Variants in IGF2BP3 observed in about 807,000 individuals in gnomAD.
The protein encoded by IGF2BP3 is insulin like growth factor 2 mRNA binding protein 3, also known as insulin-like growth factor 2 mRNA-binding protein 3.
IGF2BP3 carries 9 observed loss-of-function variants against 73.8 expected under a neutral mutation model. The observed-to-expected ratio is 0.12, with a 90% CI of 0.07 to 0.21. The LOEUF is 0.21. Among genes scored for constraint, IGF2BP3 ranks in the 10% least tolerant of loss-of-function variants. IGF2BP3 has a pLI of 1.00. For synonymous variants in IGF2BP3, 258 were observed against 256.7 expected, an observed-to-expected ratio of 1.01 and a Z score of -0.05; for missense variants, 542 against 714.0, an observed-to-expected ratio of 0.76 and a Z score of 2.75.
intron 10 of IGF2BP3, among the ~76,000 whole-genome samples, chr7:23,336,781 C>A (rs1277711840): frequency 6.6e-6 from 1 of 152,218 alleles, no homozygotes; most frequent in East Asian, 1.9e-4. Context: ...AACCCTGTCT[C>A]TAATAAAAAT....
chr7:23,441,574 T>TAAAAA (rs769391858), intron 2 of IGF2BP3, among the ~76,000 whole-genome samples: 8 of 56,954 alleles, frequency 1.4e-4, no homozygotes, highest in Non-Finnish European at 2.3e-4. Flanking sequence ...CTCCATCTCT[T>TAAAAA]AAAAAAAAAA....
At position 23,333,217 on chromosome 7, in the gene IGF2BP3, G is replaced by A. The variant is rs551530288; in HGVS notation, c.1203+8847C>T. Among the ~76,000 whole-genome samples the A allele has an allele frequency of 1.9e-4, 29 of 152,250 alleles. 1 individual carries two copies. The highest frequency in any genetic ancestry group is 5.8e-4 in the African/African-American group (24 of 41,552). On this transcript the variant is annotated intron_variant, in intron 10 of 14. Transcript: ENST00000258729. ...TACAAATCTGGCTTTAAGCTTCCTC[G>A]CAGCTAATTTTTTAAAAAGTTAGTT...
At chr7:23,423,470 T>G (rs1787408433) in intron 2 of IGF2BP3, among the ~76,000 whole-genome samples, 1 of 152,228 alleles carries the variant, frequency 6.6e-6, no homozygotes, top group Non-Finnish European at 1.5e-5. Context: ...GTCATTAAAG[T>G]TCAATATAAC....
At chr7:23,464,373 A>C (rs141923808) in intron 2 of IGF2BP3, among the ~76,000 whole-genome samples, 21 of 152,330 alleles carry the variant, frequency 1.4e-4, no homozygotes, top group African/African-American at 4.6e-4. Context: ...GTAAATACAC[A>C]TAAAATTTAC....
At chr7:23,387,488 G>GA (rs1303755288) in intron 3 of IGF2BP3, among the ~76,000 whole-genome samples, 3 of 152,046 alleles carry the variant, frequency 2.0e-5, no homozygotes, top group African/African-American at 7.3e-5. Context: ...TATAAACCAT[G>GA]AAATAATAAT....
At chr7:23,409,509 C>T (rs1286140366) in intron 3 of IGF2BP3, among the ~76,000 whole-genome samples, 1 of 152,010 alleles carries the variant, frequency 6.6e-6, no homozygotes, top group Non-Finnish European at 1.5e-5. Flanking sequence ...TATAAAGATA[C>T]CGTAACCAAG....
At position 23,310,576 on chromosome 7, in the gene IGF2BP3, A is replaced by G. The variant is rs1783799431; in HGVS notation, c.*1786T>C. The G allele has an allele frequency of 3.9e-5, 6 of 152,370 alleles. No individual in the cohort carries two copies. The South Asian group carries it at 1.2e-3, about 32-fold the overall frequency. The allele number at this position is 152,370 out of a possible 1,614,324, so 9.4% of individuals were successfully genotyped here. On this transcript the variant is annotated 3_prime_UTR_variant, in exon 15 of 15. Coordinates refer to ENST00000258729, the MANE Select transcript of IGF2BP3 (RefSeq NM_006547.3). Reference sequence around the variant, plus strand: ...AACCAGAAAGCCAGTCCATGATTTTAGCAATTTTAATTCATTGTATGAAAA... The same window carrying G: ...AACCAGAAAGCCAGTCCATGATTTTGGCAATTTTAATTCATTGTATGAAAA...
In IGF2BP3 at chr7:23,347,361, T is replaced by A. The variant is rs562019222; in HGVS notation, c.818+239A>T. ...TCCTAGGTTCCCCAAGTTGCCTTCT[T>A]CTATAGCTGCATTTCTCTTCCCCGT... On this transcript the variant is annotated intron_variant, in intron 7 of 14. Transcript: ENST00000258729. Among the ~76,000 whole-genome samples, 131 of 152,280 alleles carry A rather than the reference T, an allele frequency of 8.6e-4. 2 individuals are homozygous for A. The highest frequency in any genetic ancestry group is 3.0e-3 in the African/African-American group (124 of 41,552).
chr7:23,356,019 T>G (rs1785088777), intron 5 of IGF2BP3, among the ~76,000 whole-genome samples: 1 of 151,328 alleles, frequency 6.6e-6, no homozygotes, highest in South Asian at 2.1e-4. Flanking sequence ...TAGTTCAACT[T>G]GAGGAAGAGG....
chr7:23,451,610 C>T (rs186568903), intron 2 of IGF2BP3, among the ~76,000 whole-genome samples: 11 of 152,110 alleles, frequency 7.2e-5, no homozygotes, highest in Non-Finnish European at 7.4e-5. Flanking sequence ...CAAAACAAAA[C>T]AGACCTCTAT....
rs567650832 is a variant in IGF2BP3, at chr7:23,426,065, G to A, written c.237-7241C>T. On this transcript the variant is annotated intron_variant, in intron 2 of 14. Coordinates refer to ENST00000258729, the MANE Select transcript of IGF2BP3 (RefSeq NM_006547.3). ...AAATTGTCTGGGTGCAGTGGCTCGC[G>A]CCTGTAATCCCAGCATTTTCAGAGG... 8.5e-5 allele frequency among the ~76,000 whole-genome samples: 13 copies of A among 152,174 alleles called. No homozygotes were observed. In the South Asian group the frequency reaches 2.3e-3, roughly 27 times the overall value.
chr7:23,443,194 CG>C (rs1388893022), intron 2 of IGF2BP3, among the ~76,000 whole-genome samples: 1 of 141,886 alleles, frequency 7.0e-6, no homozygotes, highest in Non-Finnish European at 1.5e-5. Flanking sequence ...GGTGCGATCT[CG>C]GCTCACTGTA....
chr7:23,403,901 T>A (rs1397965068), intron 3 of IGF2BP3, among the ~76,000 whole-genome samples: 1 of 151,760 alleles, frequency 6.6e-6, no homozygotes, highest in African/African-American at 2.4e-5. Context: ...GGGAGGAGGA[T>A]CGCTTAAGCT....
chr7:23,320,644 T>TAAAAA (rs35291021), intron 10 of IGF2BP3, among the ~76,000 whole-genome samples: 2 of 115,334 alleles, frequency 1.7e-5, no homozygotes, highest in Admixed American at 9.3e-5. Context: ...TGCTTTTGTT[T>TAAAAA]AAAAAAAAAA....
chr7:23,458,621 C>T (rs1788374520), intron 2 of IGF2BP3, among the ~76,000 whole-genome samples: 1 of 152,160 alleles, frequency 6.6e-6, no homozygotes, highest in Non-Finnish European at 1.5e-5. Flanking sequence ...TCTCTTTAGG[C>T]CCCTCTCCAA....
intron 2 of IGF2BP3, among the ~76,000 whole-genome samples, chr7:23,444,622 A>G (rs889162454): frequency 1.3e-5 from 2 of 150,578 alleles, no homozygotes; most frequent in Non-Finnish European, 3.0e-5. Context: ...AAGTGCTGGT[A>G]ATCCCAGCTA....
chr7:23,380,593 T>C (rs1405822168), intron 3 of IGF2BP3, among the ~76,000 whole-genome samples: 2 of 152,246 alleles, frequency 1.3e-5, no homozygotes, highest in Admixed American at 6.5e-5. Flanking sequence ...GAACACACTA[T>C]GTCTTCTTAC....
At chr7:23,367,871 C>T (rs954217437) in intron 3 of IGF2BP3, among the ~76,000 whole-genome samples, 23 of 152,046 alleles carry the variant, frequency 1.5e-4, no homozygotes, top group African/African-American at 4.8e-4. Context: ...CATGGTGGCA[C>T]GCACCTGTAG....
At chr7:23,333,920 A>G (rs978769425) in intron 10 of IGF2BP3, among the ~76,000 whole-genome samples, 12 of 152,216 alleles carry the variant, frequency 7.9e-5, no homozygotes, top group African/African-American at 2.9e-4. Flanking sequence ...CTTCTTAACC[A>G]AAGATTACTT....
Sources: allele counts gnomAD v4.1 joint callset (sites outside exome capture counted in the v4.1 genomes callset), GRCh38; gene constraint gnomAD v4.1.1; transcripts MANE v1.5; gene names NCBI Gene and HGNC (gene_info 2026-07-23, HGNC 2026-07-21).